INTS1: variants seen among roughly 807,000 people sequenced by gnomAD.
INTS1 encodes the protein integrator complex subunit 1.
A neutral mutation model predicts 241.6 loss-of-function variants in INTS1; 137 were observed. The ratio of observed to expected loss-of-function variants is 0.57; its 90% CI spans 0.49 to 0.65. INTS1 has a LOEUF of 0.65. INTS1 is among the 30% of genes least tolerant of loss of function. The pLI is 0.00. For synonymous variants in INTS1, 1,692 were observed against 1,337.8 expected (o/e 1.26, Z -5.78); for missense variants, 3,073 against 3,032.2 (o/e 1.01, Z -0.32).
At position 1,481,598 on chromosome 7, in the gene INTS1, C is replaced by T; in HGVS notation, c.3704-110G>A. ...GTGCAGTGACCCCACCCACCTGAGA[C>T]CCTGGGCCACGTGGGCTCGGTGACC... On this transcript the variant is annotated intron_variant, in intron 27 of 47. Transcript: ENST00000404767. The surrounding 1 kb of genome is among the most constrained non-coding windows in gnomAD (Gnocchi z 6.8). The T allele has an allele frequency of 8.8e-7, 1 of 1,130,542 alleles. No homozygotes were observed. 70.0% of individuals were successfully genotyped at this position (1,130,542 alleles called of 1,614,324 possible).
In INTS1 at chr7:1,499,022, G is replaced by A. The variant is rs1308761457; in HGVS notation, c.1090C>T (p.Arg364Trp). ...LTSTCGYKEV[R>W]LLAVQKLEMW... ...TCCAGCTTCTGCACCGCCAGCAGCC[G>A]CACCTCCTTATAGCCGCAGGTGGAG... The change falls in exon 8 of 48, where the codon CGG becomes TGG. Residue 364 changes from arginine to tryptophan, a missense_variant. Transcript: ENST00000404767. 7 of 1,409,930 alleles carry A rather than the reference G, an allele frequency of 5.0e-6. No individual in the cohort carries two copies. Among genetic ancestry groups the A allele is most frequent in the South Asian group, 2.4e-5 (2 of 83,736 alleles). 87.3% of individuals were successfully genotyped at this position (1,409,930 alleles called of 1,614,324 possible). A position where few individuals can be genotyped will look rare whatever the true frequency, so the allele number is the denominator to read the frequency against.
intron 3 of INTS1, among the ~76,000 whole-genome samples, chr7:1,502,091 G>A (rs1783209945): frequency 6.6e-6 from 1 of 152,136 alleles, no homozygotes; most frequent in Non-Finnish European, 1.5e-5. Context: ...CAAGTCCCCT[G>A]GGTCCTGTCT....
rs924938764 is a variant in INTS1, at chr7:1,503,936, C to T, written c.25G>A (p.Val9Met). The T allele has an allele frequency of 6.4e-6, 10 of 1,570,370 alleles. No individual in the cohort carries two copies. The Admixed American group carries it at 1.7e-4, about 26-fold the overall frequency. The change falls in exon 2 of 48, where the codon GTG (valine) becomes ATG (methionine). Residue 9 changes from valine to methionine, a missense_variant. Coordinates refer to ENST00000404767, the MANE Select transcript of INTS1 (RefSeq NM_001080453.3). ...TTGGCCGCGGCGCTGGGCCGGCGCA[C>T]CGTGGTGGGCTTGGCCCGGTTCATC... Reference protein sequence around the residue: MNRAKPTTVRRPSAAAKPS... With the variant: MNRAKPTTMRRPSAAAKPS...
At chr7:1,504,115 C>G in intron 1 of INTS1, 114 bp from the exon 2 acceptor site, 1 of 600,138 alleles carries the variant, frequency 1.7e-6, no homozygotes, top group Non-Finnish European at 2.8e-6. Flanking sequence ...TGGTCCCGCG[C>G]CCGCCCGGCG....
chr7:1,495,335 C>A, intron 13 of INTS1, 98 bp downstream of exon 13: 1 of 1,442,394 alleles, frequency 6.9e-7, no homozygotes. Context: ...CTGGCTTGTC[C>A]TGGCTCAGTG....
At chr7:1,496,038 G>A in intron 12 of INTS1, 118 bp downstream of exon 12, 2 of 720,768 alleles carry the variant, frequency 2.8e-6, no homozygotes, top group Non-Finnish European at 4.7e-6. Context: ...GAGTAGCCGT[G>A]CTGCGGGACC....
chr7:1,501,598 A>T (rs1174449356), intron 3 of INTS1, among the ~76,000 whole-genome samples: 1 of 152,148 alleles, frequency 6.6e-6, no homozygotes, highest in African/African-American at 2.4e-5. Flanking sequence ...TTTCTACAGG[A>T]GGTAGTGCTA....
chr7:1,492,050 G>C (rs754166561), intron 16 of INTS1, among the ~76,000 whole-genome samples: 5 of 152,194 alleles, frequency 3.3e-5, no homozygotes, highest in Non-Finnish European at 4.4e-5. Flanking sequence ...ACGCAAGCGG[G>C]AACTCAAGGT....
intron 39 of INTS1, 90 bp from the exon 40 acceptor site, chr7:1,474,928 C>A: frequency 6.8e-7 from 1 of 1,480,588 alleles, no homozygotes; most frequent in Non-Finnish European, 9.1e-7. Context: ...TGGCCGTGAT[C>A]CACCGCGTGG....
intron 32 of INTS1, 108 bp downstream of exon 32, chr7:1,478,617 CA>C: frequency 1.3e-6 from 2 of 1,492,720 alleles, no homozygotes; most frequent in Non-Finnish European, 1.8e-6. Flanking sequence ...CGCGGGTACC[CA>C]CCCCCCAAGC....
intron 19 of INTS1, 101 bp from the exon 20 acceptor site, chr7:1,487,550 C>A: frequency 6.9e-7 from 1 of 1,444,270 alleles, no homozygotes; most frequent in Non-Finnish European, 9.3e-7. Context: ...GCCGACAGCC[C>A]GAGACGGGCA....
In INTS1 at chr7:1,481,253, A is replaced by C. The variant is rs757496380; in HGVS notation, c.3850+89T>G. On this transcript the variant is annotated intron_variant, in intron 28 of 47. Coordinates refer to ENST00000404767, the MANE Select transcript of INTS1 (RefSeq NM_001080453.3). The surrounding 1 kb of genome is among the most constrained non-coding windows in gnomAD (Gnocchi z 6.8). ...ACACCCACCCGACCTCGGATCACCC[A>C]CCCGCTCGCACCCAGGCCCCAAAAG... 12 of 1,476,944 alleles carry C rather than the reference A, an allele frequency of 8.1e-6. No individual in the cohort carries two copies. The highest frequency in any genetic ancestry group is 3.6e-5 in the Admixed American group (2 of 55,454). 91.5% of individuals were successfully genotyped at this position (1,476,944 alleles called of 1,614,324 possible).
chr7:1,500,519 C>T (rs1483991277), intron 3 of INTS1, among the ~76,000 whole-genome samples, 153 bp from the exon 4 acceptor site: 1 of 152,156 alleles, frequency 6.6e-6, no homozygotes, highest in Non-Finnish European at 1.5e-5. Flanking sequence ...CCACAGCGGA[C>T]AAGCACCCCA....
intron 2 of INTS1, among the ~76,000 whole-genome samples, chr7:1,503,663 T>C (rs576855257): frequency 3.0e-4 from 46 of 152,206 alleles, no homozygotes; most frequent in African/African-American, 1.1e-3. Context: ...TCGGCCGCCT[T>C]GCAGCTCAGC....
intron 40 of INTS1, 102 bp downstream of exon 40, chr7:1,474,603 T>G: frequency 7.1e-7 from 1 of 1,416,694 alleles, no homozygotes; most frequent in Admixed American, 2.3e-5. Context: ...CATGCTTTTT[T>G]TTGTTGTTTT....
At chr7:1,492,233 C>A (rs757949949) in intron 16 of INTS1, among the ~76,000 whole-genome samples, 2 of 152,240 alleles carry the variant, frequency 1.3e-5, no homozygotes, top group Non-Finnish European at 2.9e-5. Flanking sequence ...GACATGATCT[C>A]TGTCCACACA....
chr7:1,472,129 T>C lies in INTS1; in HGVS notation c.6184+144A>G, dbSNP rs1299631595. 12 of 654,968 alleles carry C rather than the reference T, an allele frequency of 1.8e-5. No homozygotes were observed. The East Asian group carries it at 2.7e-4, about 15-fold the overall frequency. 40.6% of individuals were successfully genotyped at this position (654,968 alleles called of 1,614,324 possible). Reference sequence around the variant, plus strand: ...GGCCCTCTCTGGGGGTGCTCCCCACTGTGAGGAACAGCCCACCCACCCACA... The same window carrying C: ...GGCCCTCTCTGGGGGTGCTCCCCACCGTGAGGAACAGCCCACCCACCCACA... On this transcript the variant is annotated intron_variant, in intron 44 of 47. Transcript: ENST00000404767.
Position 1,489,935 on chromosome 7 carries a change from A to C in INTS1, c.2166-253T>G, listed in dbSNP as rs145661142. 6.1e-3 allele frequency among the ~76,000 whole-genome samples: 926 copies of C among 152,286 alleles called. 5 individuals carry two copies. The highest frequency in any genetic ancestry group is 0.02 in the Middle Eastern group (6 of 294). On this transcript the variant is annotated intron_variant, in intron 16 of 47. Coordinates refer to ENST00000404767, the MANE Select transcript of INTS1 (RefSeq NM_001080453.3). ...CTACAAAACGGGAGCGGTGGTGGAT[A>C]CATAATAAACGTTCATTAAGTGACA...
chr7:1,471,194 C>A lies in INTS1; in HGVS notation c.6286G>T (p.Glu2096Ter). 1 of 1,582,290 alleles carries A rather than the reference C, an allele frequency of 6.3e-7. No individual in the cohort carries two copies. Among genetic ancestry groups the A allele is most frequent in the Non-Finnish European group, 8.6e-7 (1 of 1,165,698 alleles). Residue 2096 changes from glutamate to a stop codon, truncating the protein, a stop_gained, in exon 46 of 48, where the codon GAG becomes TAG. Coordinates refer to ENST00000404767, the MANE Select transcript of INTS1 (RefSeq NM_001080453.3). LOFTEE classifies it high-confidence loss of function. ...AAGGCGAGGTTGCGGCAACACTCCT[C>A]GGCCGAGCTCATCAGCCGCTGCAGG... is the stretch of plus-strand genomic sequence containing the variant. The part of the protein sequence containing the change: ...TNLQRLMSSA[E>*]ECCRNLAFSL...
Sources: gnomAD v4.1 joint callset for allele counts (sites outside exome capture counted in the v4.1 genomes callset) on GRCh38, gnomAD v4.1.1 for gene constraint, Gnocchi (gnomAD v3.1) non-coding constraint, MANE v1.5 for transcripts, NCBI Gene and HGNC (gene_info 2026-07-23, HGNC 2026-07-21) for gene names.